Variants in C1QTNF7 observed in about 807,000 individuals in gnomAD.
C1QTNF7 encodes the protein complement C1q tumor necrosis factor-related protein 7.
Under a neutral mutation model 19.6 loss-of-function variants are expected in C1QTNF7, and 15 were observed. That is an observed-to-expected ratio of 0.76 (90% CI 0.51 to 1.18). C1QTNF7 has a LOEUF of 1.18. Among genes scored for constraint, C1QTNF7 ranks in the 50% most tolerant of loss-of-function variants. The pLI, the probability that C1QTNF7 is intolerant of heterozygous loss-of-function variation, is 0.00. For missense variants in C1QTNF7, 324 were observed against 359.7 expected (o/e 0.90, Z 0.80); for synonymous variants, 142 against 137.5 (o/e 1.03, Z -0.23).
intron 2 of C1QTNF7, among the ~76,000 whole-genome samples, chr4:15,436,485 A>AT (rs1306139908): frequency 3.3e-5 from 5 of 152,270 alleles, no homozygotes; most frequent in African/African-American, 1.2e-4. Flanking sequence ...TATCCTGAAC[A>AT]AAGATACATA....
chr4:15,396,291 T>A (rs535175366), intron 1 of C1QTNF7, among the ~76,000 whole-genome samples: 1 of 152,122 alleles, frequency 6.6e-6, no homozygotes, highest in African/African-American at 2.4e-5. Context: ...AGGTTGGAGA[T>A]GATTGAGATT....
intron 1 of C1QTNF7, among the ~76,000 whole-genome samples, chr4:15,410,022 A>T (rs536703259): frequency 6.6e-6 from 1 of 152,216 alleles, no homozygotes; most frequent in Non-Finnish European, 1.5e-5. Context: ...AAAGCCAGAA[A>T]GTGTATGTGC....
chr4:15,437,671 G>T (rs1176172297), intron 2 of C1QTNF7, among the ~76,000 whole-genome samples: 1 of 152,022 alleles, frequency 6.6e-6, no homozygotes, highest in African/African-American at 2.4e-5. Context: ...CATGCATCCA[G>T]GCATTATTCA....
chr4:15,380,400 G>A (rs1718092919), intron 1 of C1QTNF7, among the ~76,000 whole-genome samples: 1 of 152,136 alleles, frequency 6.6e-6, no homozygotes, highest in African/African-American at 2.4e-5. Flanking sequence ...GCTAGCATGG[G>A]CTTTTATTTT....
At chr4:15,387,102 A>G (rs1374241545) in intron 1 of C1QTNF7, among the ~76,000 whole-genome samples, 2 of 152,192 alleles carry the variant, frequency 1.3e-5, no homozygotes, top group East Asian at 3.9e-4. Flanking sequence ...GGTGATGTTT[A>G]TGGGAAACCA....
intron 2 of C1QTNF7, among the ~76,000 whole-genome samples, chr4:15,440,081 T>A (rs1712691091): frequency 6.6e-6 from 1 of 152,096 alleles, no homozygotes; most frequent in Non-Finnish European, 1.5e-5. Flanking sequence ...TTTTGCTTAT[T>A]TCCTTCAACC....
chr4:15,344,790 TA>T (rs1177911766), intron 1 of C1QTNF7, among the ~76,000 whole-genome samples: 1 of 152,230 alleles, frequency 6.6e-6, no homozygotes, highest in African/African-American at 2.4e-5. Context: ...ACACAATGAT[TA>T]GGGGAGGGTG....
upstream of C1QTNF7, chr4:15,427,861 C>T (rs1381506439): frequency 3.7e-5 from 7 of 189,212 alleles, no homozygotes; most frequent in Non-Finnish European, 4.9e-5. Flanking sequence ...AAAGTTTATC[C>T]CAAACAAAAC....
At chr4:15,397,818 C>A (rs973175325) in intron 1 of C1QTNF7, among the ~76,000 whole-genome samples, 14 of 152,168 alleles carry the variant, frequency 9.2e-5, no homozygotes, top group Non-Finnish European at 2.1e-4. Flanking sequence ...TACCAAAGCC[C>A]CACCCAGGGA....
At chr4:15,400,192 TAC>T (rs1718932801) in intron 1 of C1QTNF7, among the ~76,000 whole-genome samples, 2 of 152,232 alleles carry the variant, frequency 1.3e-5, no homozygotes, top group African/African-American at 4.8e-5. Context: ...TCTTGGATTG[TAC>T]ACACATATTT....
intron 1 of C1QTNF7, among the ~76,000 whole-genome samples, chr4:15,392,936 C>A (rs1383252405): frequency 1.3e-5 from 2 of 152,164 alleles, no homozygotes; most frequent in African/African-American, 4.8e-5. Flanking sequence ...AGACCCTGAG[C>A]TGGTCTGGGA....
At chr4:15,358,252 T>C (rs1181644856) in intron 1 of C1QTNF7, 1 of 152,218 alleles carries the variant, frequency 6.6e-6, no homozygotes, top group Non-Finnish European at 1.5e-5. Flanking sequence ...GTTCCATCAA[T>C]ACCTCGTTTA....
chr4:15,413,091 A>T (rs1225738454), intron 1 of C1QTNF7, among the ~76,000 whole-genome samples: 1 of 152,232 alleles, frequency 6.6e-6, no homozygotes, highest in Non-Finnish European at 1.5e-5. Flanking sequence ...CCACTGTAGC[A>T]AGATAACCAA....
At chr4:15,371,845 C>T (rs1172297363) in intron 1 of C1QTNF7, among the ~76,000 whole-genome samples, 1 of 152,086 alleles carries the variant, frequency 6.6e-6, no homozygotes, top group Non-Finnish European at 1.5e-5. Flanking sequence ...TCAGTGGGCA[C>T]ATGGAGGGAA....
intron 1 of C1QTNF7, among the ~76,000 whole-genome samples, chr4:15,395,090 AG>A (rs1370632229): frequency 6.6e-6 from 1 of 152,184 alleles, no homozygotes; most frequent in African/African-American, 2.4e-5. Context: ...CTGGCTGGTC[AG>A]GGGGCAGAAG....
rs542029094 is a variant in C1QTNF7 at position 15,374,873 on chromosome 4, T to C, written c.13+34666T>C. 5.7e-4 allele frequency: 333 copies of C among 579,944 alleles called. 1 individual carries two copies. Among genetic ancestry groups the C allele is most frequent in the African/African-American group, 3.8e-3 (183 of 48,656 alleles). 35.9% of individuals were successfully genotyped at this position (579,944 alleles called of 1,614,324 possible). A position where few individuals can be genotyped will look rare whatever the true frequency, so the allele number is the denominator to read the frequency against. The stretch of plus-strand genomic sequence containing the variant: ...GGTGTTTCTCTCTCTCTCTCTCTCT[T>C]TTTTTTTATGATGTTCAGGGGTGTT... On this transcript the variant is annotated intron_variant, in intron 1 of 2. Transcript: ENST00000295297.
chr4:15,442,844 G>A lies in C1QTNF7; in HGVS notation c.*45G>A, dbSNP rs777329984. The A allele has an allele frequency of 3.2e-5, 49 of 1,512,724 alleles. No homozygotes were observed. Among genetic ancestry groups the A allele is most frequent in the Admixed American group, 4.2e-5 (2 of 47,178 alleles). The allele number at this position is 1,512,724 out of a possible 1,614,324, so 93.7% of individuals were successfully genotyped here. A position where few individuals can be genotyped will look rare whatever the true frequency, so the allele number is the denominator to read the frequency against. ...GGTAAACACTCTGATTGAATCTGGG[G>A]TTCCAGAAGGTGGAACAAGCAGGAA... On this transcript the variant is annotated 3_prime_UTR_variant, in exon 3 of 3. Coordinates refer to ENST00000444304, the MANE Select transcript of C1QTNF7 (RefSeq NM_031911.5).
intron 1 of C1QTNF7, among the ~76,000 whole-genome samples, chr4:15,353,376 A>G (rs79148290): frequency 0.054 from 8,166 of 152,262 alleles, 489 homozygotes; most frequent in Admixed American, 0.18. Flanking sequence ...CAACATACCC[A>G]TAAAAGGGAG....
At chr4:15,415,833 G>T (rs148091495) in intron 1 of C1QTNF7, among the ~76,000 whole-genome samples, 2 of 152,202 alleles carry the variant, frequency 1.3e-5, no homozygotes, top group East Asian at 3.9e-4. Context: ...TAAGCAATAT[G>T]ATAAAAAATA....
Sources: allele counts gnomAD v4.1 joint callset (sites outside exome capture counted in the v4.1 genomes callset), GRCh38; gene constraint gnomAD v4.1.1; transcripts MANE v1.5; gene names NCBI Gene and HGNC (gene_info 2026-07-23, HGNC 2026-07-21).